AVEN: variants seen among roughly 807,000 people sequenced by gnomAD.
The protein encoded by AVEN is cell death regulator Aven.
Under a neutral mutation model 38.1 loss-of-function variants are expected in AVEN, and 41 were observed. The observed-to-expected ratio is 1.08, with a 90% CI of 0.84 to 1.40. AVEN has a LOEUF of 1.40. AVEN is among the 40% of genes most tolerant of loss of function. AVEN has a pLI of 0.00. For missense variants in AVEN, 605 were observed against 438.8 expected, an observed-to-expected ratio of 1.38 and a Z score of -3.38; for synonymous variants, 206 against 171.8, an observed-to-expected ratio of 1.20 and a Z score of -1.56.
chr15:33,951,561 TA>T (rs77164036), intron 2 of AVEN, among the ~76,000 whole-genome samples: 8,855 of 93,910 alleles, frequency 0.094, 337 homozygotes, highest in African/African-American at 0.17. Flanking sequence ...TAAAGTATAA[TA>T]AAAAAAAAAA....
At chr15:33,906,159 T>C (rs571157) in intron 2 of AVEN, among the ~76,000 whole-genome samples, 40,566 of 151,908 alleles carry the variant, frequency 0.27, 5,777 homozygotes, top group East Asian at 0.38. Context: ...CTGGAGTGAA[T>C]TGTGTGTGCT....
At chr15:33,964,534 C>G (rs748772229) in intron 2 of AVEN, among the ~76,000 whole-genome samples, 2 of 151,952 alleles carry the variant, frequency 1.3e-5, no homozygotes, top group African/African-American at 4.8e-5. Flanking sequence ...TCGTTTTACC[C>G]GAATGTAATA....
At chr15:33,932,928 G>C (rs868249643) in intron 2 of AVEN, among the ~76,000 whole-genome samples, 1 of 152,122 alleles carries the variant, frequency 6.6e-6, no homozygotes, top group African/African-American at 2.4e-5. Context: ...AGCATTTTTA[G>C]ATGAAATAAA....
chr15:33,864,879 A>ATTGGTTTCAGTTTTGC, downstream of AVEN: 1 of 449,594 alleles, frequency 2.2e-6, no homozygotes, highest in East Asian at 3.4e-5. Flanking sequence ...GCAAACATTG[A>ATTGGTTTCAGTTTTGC]TTGGTTTCAG....
intron 2 of AVEN, among the ~76,000 whole-genome samples, chr15:33,975,855 G>A (rs1022679792): frequency 4.6e-5 from 7 of 152,250 alleles, no homozygotes; most frequent in Admixed American, 1.3e-4. Flanking sequence ...CCTTGAACCC[G>A]GGCAGCGGAG....
chr15:33,865,402 G>C (rs539094716), downstream of AVEN: 1 of 576,632 alleles, frequency 1.7e-6, no homozygotes, highest in African/African-American at 1.9e-5. Flanking sequence ...TGTGCCTAAT[G>C]GACATACACT....
intron 2 of AVEN, among the ~76,000 whole-genome samples, chr15:33,884,180 T>C (rs1891604630): frequency 6.6e-6 from 1 of 152,190 alleles, no homozygotes; most frequent in African/African-American, 2.4e-5. Context: ...AATTATTAAG[T>C]AGTAAAGCTC....
intron 1 of AVEN, among the ~76,000 whole-genome samples, chr15:34,009,251 A>G (rs1897528411): frequency 6.6e-6 from 1 of 152,234 alleles, no homozygotes; most frequent in Non-Finnish European, 1.5e-5. Flanking sequence ...ACCTTACAAG[A>G]TACACTAACA....
At position 33,866,373 on chromosome 15, in the gene AVEN, CTA is replaced by C. The variant is rs1405010533; in HGVS notation, c.*238_*239del. On this transcript the variant is annotated 3_prime_UTR_variant, in exon 6 of 6. Coordinates refer to ENST00000306730, the MANE Select transcript of AVEN (RefSeq NM_020371.3). ...GGAGGCTAGAAACAAGGGCCAGAGT[CTA>C]TCTCCTGCCCTTAAGGAAATCTATT... 5 of 546,906 alleles carry C rather than the reference CTA, an allele frequency of 9.1e-6. No individual in the cohort carries two copies. Among genetic ancestry groups the C allele is most frequent in the Non-Finnish European group, 1.6e-5 (5 of 309,210 alleles). The allele number at this position is 546,906 out of a possible 1,614,324, so 33.9% of individuals were successfully genotyped here. A position where few individuals can be genotyped will look rare whatever the true frequency, so the allele number is the denominator to read the frequency against.
Position 33,886,612 on chromosome 15 carries a change from C to G in AVEN, c.446-10617G>C, listed in dbSNP as rs534676774. On this transcript the variant is annotated intron_variant, in intron 2 of 5. Transcript: ENST00000306730. ...GGGGCTTCCCCCTTCACTCAGCTCT[C>G]ATTCTTCTCTCTCCTGCCACCTTGT... Among the ~76,000 whole-genome samples, 3 of 152,340 alleles carry G rather than the reference C, an allele frequency of 2.0e-5. No individual in the cohort carries two copies. The East Asian group carries it at 5.8e-4, about 29-fold the overall frequency.
intron 2 of AVEN, among the ~76,000 whole-genome samples, chr15:33,945,981 C>T (rs1319174622): frequency 6.6e-6 from 1 of 152,152 alleles, no homozygotes; most frequent in African/African-American, 2.4e-5. Flanking sequence ...TCACCGTTTA[C>T]TAACCTCAGT....
At chr15:33,953,961 A>G (rs1894849488) in intron 2 of AVEN, among the ~76,000 whole-genome samples, 1 of 152,218 alleles carries the variant, frequency 6.6e-6, no homozygotes, top group Non-Finnish European at 1.5e-5. Context: ...TCAAGAAAAA[A>G]TCAAACAACC....
intron 1 of AVEN, among the ~76,000 whole-genome samples, chr15:34,020,081 G>T (rs1270990727): frequency 6.6e-6 from 1 of 152,190 alleles, no homozygotes; most frequent in Non-Finnish European, 1.5e-5. Flanking sequence ...GGAGGCCAAG[G>T]TGGGTGGATC....
At chr15:33,868,785 T>C (rs1890812008) in intron 4 of AVEN, among the ~76,000 whole-genome samples, 1 of 151,734 alleles carries the variant, frequency 6.6e-6, no homozygotes, top group South Asian at 2.1e-4. Context: ...TGACGTGGAG[T>C]GTGTATGAAT....
intron 1 of AVEN, among the ~76,000 whole-genome samples, chr15:34,018,848 T>C (rs1898074958): frequency 7.3e-6 from 1 of 136,376 alleles, no homozygotes; most frequent in Admixed American, 8.2e-5. Context: ...GGTGCATTTT[T>C]ACAGAGTGCT....
intron 2 of AVEN, among the ~76,000 whole-genome samples, chr15:33,996,790 G>A (rs558290882): frequency 1.4e-4 from 22 of 152,292 alleles, no homozygotes; most frequent in South Asian, 1.0e-3. Context: ...AAACCAGAGC[G>A]CCTCTTGTCC....
At chr15:33,955,415 CT>C (rs1349297385) in intron 2 of AVEN, among the ~76,000 whole-genome samples, 3 of 152,142 alleles carry the variant, frequency 2.0e-5, no homozygotes, top group Non-Finnish European at 2.9e-5. Context: ...CTATTTGCCC[CT>C]AATATGTATA....
intron 2 of AVEN, chr15:33,883,770 C>T (rs891542797): frequency 2.6e-5 from 4 of 152,032 alleles, no homozygotes; most frequent in Non-Finnish European, 5.9e-5. Flanking sequence ...CCTTTTGGAA[C>T]GAAACAAAAT....
At chr15:34,005,432 AT>A (rs11294882) in intron 1 of AVEN, among the ~76,000 whole-genome samples, 23,486 of 151,948 alleles carry the variant, frequency 0.15, 2,260 homozygotes, top group Middle Eastern at 0.28. Flanking sequence ...TTATTTACAG[AT>A]TTTTTTTATC....
Sources: allele counts gnomAD v4.1 joint callset (sites outside exome capture counted in the v4.1 genomes callset), GRCh38; gene constraint gnomAD v4.1.1; transcripts MANE v1.5; gene names NCBI Gene and HGNC (gene_info 2026-07-23, HGNC 2026-07-21).